The following YPEL2 variants were observed in gnomAD, a reference collection of about 807,000 sequenced individuals.
YPEL2 encodes the protein protein yippee-like 2.
Under a neutral mutation model 19.1 loss-of-function variants are expected in YPEL2, and 2 were observed. The ratio of observed to expected loss-of-function variants is 0.10; its 90% CI spans 0.04 to 0.33. YPEL2 has a LOEUF of 0.33. Ranked by LOEUF, YPEL2 falls within the 10% of genes least tolerant of loss-of-function variation. YPEL2 has a pLI of 1.00. For missense variants in YPEL2, 66 were observed against 140.7 expected (o/e 0.47, Z 2.68); for synonymous variants, 52 against 50.0 (o/e 1.04, Z -0.17).
chr17:59,389,103 T>A, intron 3 of YPEL2: 1 of 500,730 alleles, frequency 2.0e-6, no homozygotes, highest in Non-Finnish European at 3.6e-6. Flanking sequence ...GTTAGAAAAA[T>A]TAAAATTTTA....
At chr17:59,334,397 G>T (rs917683764) in intron 1 of YPEL2, among the ~76,000 whole-genome samples, 25 of 128,872 alleles carry the variant, frequency 1.9e-4, no homozygotes, top group Admixed American at 2.4e-4. Context: ...ATTTGGGGGG[G>T]GGTGAGGAGT....
chr17:59,349,063 A>T (rs373282332), intron 1 of YPEL2, among the ~76,000 whole-genome samples: 1 of 149,700 alleles, frequency 6.7e-6, no homozygotes, highest in Non-Finnish European at 1.5e-5. Flanking sequence ...AGTCCCAGCT[A>T]CTCGGGAGGC....
At position 59,368,106 on chromosome 17, in the gene YPEL2, CAG is replaced by C. The variant is rs1255452272; in HGVS notation, c.117+14583_117+14584del. On this transcript the variant is annotated intron_variant, in intron 2 of 4. Transcript: ENST00000312655. The stretch of plus-strand genomic sequence containing the variant: ...ATGAAATTCTCTTTTTTTTTTGAGA[CAG>C]AGTCTCACTCTGTTGCCCAGGCTAG... Among the ~76,000 whole-genome samples, 7 of 151,500 alleles carry C rather than the reference CAG, an allele frequency of 4.6e-5. No homozygotes were observed. The South Asian group carries it at 1.0e-3, about 23-fold the overall frequency.
At chr17:59,332,844 C>T (rs756818961) in intron 1 of YPEL2, among the ~76,000 whole-genome samples, 21 of 152,186 alleles carry the variant, frequency 1.4e-4, no homozygotes, top group Non-Finnish European at 2.1e-4. Context: ...TTTCTGGCCT[C>T]CTTGCTGATT....
rs2048069852 is a variant in YPEL2, at chr17:59,401,277, A to G, written c.*4087A>G. 2 of 152,456 alleles carry G rather than the reference A, an allele frequency of 1.3e-5. No homozygotes were observed. The highest frequency in any genetic ancestry group is 2.4e-5 in the African/African-American group (1 of 41,566). The allele number at this position is 152,456 out of a possible 1,614,324, so 9.4% of individuals were successfully genotyped here. A position where few individuals can be genotyped will look rare whatever the true frequency, so the allele number is the denominator to read the frequency against. On this transcript the variant is annotated 3_prime_UTR_variant, in exon 5 of 5. Coordinates refer to ENST00000312655, the MANE Select transcript of YPEL2 (RefSeq NM_001005404.4). Reference sequence around the variant, plus strand: ...TCTGCCTCAAATGAGAAAATATGCTAGTTATCTAGATAGAGGAAAGAGATA... The same window carrying G: ...TCTGCCTCAAATGAGAAAATATGCTGGTTATCTAGATAGAGGAAAGAGATA...
rs1437562484 is a variant in YPEL2 at position 59,399,506 on chromosome 17, T to C, written c.*2316T>C. 1 of 150,634 alleles carries C rather than the reference T, an allele frequency of 6.6e-6. No individual in the cohort carries two copies. The highest frequency in any genetic ancestry group is 2.4e-5 in the African/African-American group (1 of 41,112). 9.3% of individuals were successfully genotyped at this position (150,634 alleles called of 1,614,324 possible). On this transcript the variant is annotated 3_prime_UTR_variant, in exon 5 of 5. Transcript: ENST00000312655. Reference sequence around the variant, plus strand: ...GACTGTTGGATGGATCAGAGCAGGCTCCAGTCAGACCCTGGTTCTGAATGT... The same window carrying C: ...GACTGTTGGATGGATCAGAGCAGGCCCCAGTCAGACCCTGGTTCTGAATGT...
intron 1 of YPEL2, among the ~76,000 whole-genome samples, chr17:59,344,381 G>A (rs1272962757): frequency 6.6e-6 from 1 of 152,188 alleles, no homozygotes; most frequent in Non-Finnish European, 1.5e-5. Flanking sequence ...GGTAGGAGAA[G>A]AATCCAGAGA....
At chr17:59,346,182 G>T (rs2047755318) in intron 1 of YPEL2, among the ~76,000 whole-genome samples, 1 of 152,100 alleles carries the variant, frequency 6.6e-6, no homozygotes, top group Non-Finnish European at 1.5e-5. Flanking sequence ...CCTCCTTTCT[G>T]CCGCCACCAC....
intron 4 of YPEL2, among the ~76,000 whole-genome samples, chr17:59,395,874 T>G (rs1014063050): frequency 6.6e-6 from 1 of 151,968 alleles, no homozygotes; most frequent in Non-Finnish European, 1.5e-5. Flanking sequence ...GTCAGGAGAT[T>G]GAGACCATCC....
At chr17:59,395,144 C>G (rs9908400) in intron 4 of YPEL2, among the ~76,000 whole-genome samples, 2 of 152,174 alleles carry the variant, frequency 1.3e-5, no homozygotes, top group Non-Finnish European at 2.9e-5. Flanking sequence ...TCCTTCCCCC[C>G]CAAACACATT....
intron 2 of YPEL2, among the ~76,000 whole-genome samples, chr17:59,358,071 C>T (rs1475879684): frequency 6.6e-6 from 1 of 152,174 alleles, no homozygotes. Context: ...TCAAGCCTCT[C>T]TTCATGAGGA....
chr17:59,338,059 T>C (rs1472812654), intron 1 of YPEL2, among the ~76,000 whole-genome samples: 1 of 152,218 alleles, frequency 6.6e-6, no homozygotes, highest in Non-Finnish European at 1.5e-5. Flanking sequence ...CCTGCATTCC[T>C]GTTACCTGGA....
chr17:59,391,694 TCGA>T, intron 4 of YPEL2, among the ~76,000 whole-genome samples: 1 of 151,970 alleles, frequency 6.6e-6, no homozygotes, highest in Admixed American at 6.6e-5. Flanking sequence ...GGTCAAGAGT[TCGA>T]GACCCGCCTG....
At chr17:59,343,041 G>A (rs191249076) in intron 1 of YPEL2, among the ~76,000 whole-genome samples, 2 of 152,188 alleles carry the variant, frequency 1.3e-5, no homozygotes, top group African/African-American at 4.8e-5. Context: ...AAGCATCAGA[G>A]GCTTGTGTGG....
At chr17:59,357,492 A>T (rs2047818700) in intron 2 of YPEL2, among the ~76,000 whole-genome samples, 1 of 152,150 alleles carries the variant, frequency 6.6e-6, no homozygotes, top group Non-Finnish European at 1.5e-5. Context: ...TTGTGGTCTA[A>T]ATGCTGGAGT....
At chr17:59,334,738 C>A (rs963241484) in intron 1 of YPEL2, among the ~76,000 whole-genome samples, 1 of 152,206 alleles carries the variant, frequency 6.6e-6, no homozygotes, top group Admixed American at 6.5e-5. Context: ...AATTCAACTT[C>A]CACTGTAGCC....
At chr17:59,331,883 G>C (rs1336013246) in intron 1 of YPEL2, 59 bp downstream of exon 1, 2 of 151,468 alleles carry the variant, frequency 1.3e-5, no homozygotes, top group Non-Finnish European at 2.9e-5. Context: ...CGCGCTGTCA[G>C]CTCGGGCTCT....
intron 1 of YPEL2, among the ~76,000 whole-genome samples, chr17:59,335,523 G>A (rs2047694593): frequency 6.6e-6 from 1 of 151,962 alleles, no homozygotes; most frequent in Non-Finnish European, 1.5e-5. Flanking sequence ...TTTTCTACTG[G>A]TAGTAACTCT....
In YPEL2 at chr17:59,399,905, G is replaced by A. The variant is rs554612596; in HGVS notation, c.*2715G>A. On this transcript the variant is annotated 3_prime_UTR_variant, in exon 5 of 5. Coordinates refer to ENST00000312655, the MANE Select transcript of YPEL2 (RefSeq NM_001005404.4). ...GAGTTTGTTGGTGAAGTTTGGGGGC[G>A]GGGTGTTGGGAGTAGAGACAGGGTA... The A allele has an allele frequency of 2.6e-5, 4 of 152,742 alleles. No individual in the cohort carries two copies. Among genetic ancestry groups the A allele is most frequent in the East Asian group, 1.9e-4 (1 of 5,178 alleles). 9.5% of individuals were successfully genotyped at this position (152,742 alleles called of 1,614,324 possible). A position where few individuals can be genotyped will look rare whatever the true frequency, so the allele number is the denominator to read the frequency against.
Sources: allele counts gnomAD v4.1 joint callset (sites outside exome capture counted in the v4.1 genomes callset), GRCh38; gene constraint gnomAD v4.1.1; transcripts MANE v1.5; gene names NCBI Gene and HGNC (gene_info 2026-07-23, HGNC 2026-07-21).